SPAG6: variants seen among roughly 807,000 people sequenced by gnomAD.
SPAG6 encodes the protein sperm associated antigen 6, also known as sperm-associated antigen 6.
A neutral mutation model predicts 58.5 loss-of-function variants in SPAG6; 49 were observed. The ratio of observed to expected loss-of-function variants is 0.84; its 90% CI spans 0.67 to 1.06. The LOEUF (loss-of-function observed/expected upper bound fraction) is 1.06, where lower values mean the gene tolerates loss of function less well. Ranked by LOEUF, SPAG6 falls within the 50% of genes least tolerant of loss-of-function variation. The pLI is 0.00. For synonymous variants in SPAG6, 233 were observed against 225.6 expected (o/e 1.03, Z -0.29); for missense variants, 560 against 611.3 (o/e 0.92, Z 0.89).
At chr10:22,348,002 C>CTTTCTTTTTTT (rs149307597) in intron 2 of SPAG6, among the ~76,000 whole-genome samples, 19,328 of 151,788 alleles carry the variant, frequency 0.13, 3,572 homozygotes, top group African/African-American at 0.41. Flanking sequence ...ACTTTTCTTT[C>CTTTCTTTTTTT]TTTCTTTGAG....
Position 22,401,297 on chromosome 10 carries a change from A to T in SPAG6, c.1314+20A>T. 1 of 1,123,084 alleles carries T rather than the reference A, an allele frequency of 8.9e-7. No individual in the cohort carries two copies. Among genetic ancestry groups the T allele is most frequent in the African/African-American group, 1.6e-5 (1 of 64,112 alleles). 69.6% of individuals were successfully genotyped at this position (1,123,084 alleles called of 1,614,324 possible). ...AGTAAGGTAAGAAATGCCAGCCTCT[A>T]AGGGGAGGAAGAAAATTAAAATGAT... is the stretch of plus-strand genomic sequence containing the variant. On this transcript the variant is annotated intron_variant, in intron 9 of 10. Coordinates refer to ENST00000376624, the MANE Select transcript of SPAG6 (RefSeq NM_012443.4).
chr10:22,374,180 C>A (rs971227501), intron 4 of SPAG6, among the ~76,000 whole-genome samples: 13 of 152,130 alleles, frequency 8.5e-5, no homozygotes, highest in Non-Finnish European at 1.8e-4. Flanking sequence ...GTTACTCATG[C>A]CTCTGACTTT....
intron 4 of SPAG6, among the ~76,000 whole-genome samples, chr10:22,376,848 G>A (rs569177297): frequency 6.6e-6 from 1 of 152,204 alleles, no homozygotes; most frequent in Admixed American, 6.5e-5. Context: ...ACTTTGGGAG[G>A]CCAAGGTGGG....
At chr10:22,380,471 T>TG (rs1833926019) in intron 4 of SPAG6, among the ~76,000 whole-genome samples, 2 of 151,920 alleles carry the variant, frequency 1.3e-5, no homozygotes, top group African/African-American at 4.8e-5. Flanking sequence ...CTAATTTTTG[T>TG]GTTTTTTTTG....
At chr10:22,379,294 A>G (rs539755699) in intron 4 of SPAG6, among the ~76,000 whole-genome samples, 1 of 152,274 alleles carries the variant, frequency 6.6e-6, no homozygotes, top group African/African-American at 2.4e-5. Flanking sequence ...TTTTTGTGGT[A>G]GCAGCCTCCA....
At chr10:22,394,810 G>A (rs1279303190) in intron 8 of SPAG6, among the ~76,000 whole-genome samples, 1 of 152,156 alleles carries the variant, frequency 6.6e-6, no homozygotes, top group Non-Finnish European at 1.5e-5. Flanking sequence ...GGGCCCAAGT[G>A]ATCCTCCTGC....
intron 9 of SPAG6, among the ~76,000 whole-genome samples, chr10:22,409,127 T>C (rs1325147435): frequency 6.6e-6 from 1 of 152,206 alleles, no homozygotes; most frequent in Non-Finnish European, 1.5e-5. Flanking sequence ...GAGCTGTTCC[T>C]ATTCGGCCAT....
At chr10:22,354,356 C>G (rs1221210381) in intron 2 of SPAG6, among the ~76,000 whole-genome samples, 3 of 152,116 alleles carry the variant, frequency 2.0e-5, no homozygotes, top group Non-Finnish European at 4.4e-5. Flanking sequence ...GTTGCTTGGA[C>G]ACATTAGCAC....
At chr10:22,354,175 G>A (rs574594740) in intron 2 of SPAG6, among the ~76,000 whole-genome samples, 29 of 152,338 alleles carry the variant, frequency 1.9e-4, no homozygotes, top group African/African-American at 6.7e-4. Flanking sequence ...TTGGAGAGTA[G>A]ATAAGAGGGG....
chr10:22,414,256 G>T (rs1365486833), intron 10 of SPAG6, among the ~76,000 whole-genome samples: 1 of 152,148 alleles, frequency 6.6e-6, no homozygotes, highest in Non-Finnish European at 1.5e-5. Flanking sequence ...TTCTCTGTGG[G>T]TCTAGGATAA....
chr10:22,368,730 G>C (rs1420752315), intron 4 of SPAG6, 52 bp downstream of exon 4: 1 of 1,413,252 alleles, frequency 7.1e-7, no homozygotes, highest in Admixed American at 1.9e-5. Flanking sequence ...TTACAATTCA[G>C]ATTTATTAGG....
chr10:22,405,599 T>G (rs1387369278), intron 9 of SPAG6, among the ~76,000 whole-genome samples: 2 of 150,906 alleles, frequency 1.3e-5, no homozygotes, highest in Non-Finnish European at 2.9e-5. Context: ...TAAAATTCTC[T>G]TTTTTGGTTG....
At chr10:22,383,705 C>T (rs1216595999) in intron 4 of SPAG6, among the ~76,000 whole-genome samples, 2 of 152,042 alleles carry the variant, frequency 1.3e-5, no homozygotes, top group African/African-American at 2.4e-5. Context: ...AGGTTGGAAG[C>T]ACTTCCTGAA....
At chr10:22,414,069 G>A (rs984780297) in intron 10 of SPAG6, among the ~76,000 whole-genome samples, 3 of 152,002 alleles carry the variant, frequency 2.0e-5, no homozygotes, top group Non-Finnish European at 2.9e-5. Context: ...CTAAGTTCTG[G>A]GCCTGGCTTA....
At chr10:22,406,586 G>A (rs552771236) in intron 9 of SPAG6, among the ~76,000 whole-genome samples, 4,867 of 152,128 alleles carry the variant, frequency 0.032, 290 homozygotes, top group African/African-American at 0.11. Context: ...AATAGGTGTG[G>A]TGTGGTGCTG....
chr10:22,352,512 A>C (rs571261559), intron 2 of SPAG6, among the ~76,000 whole-genome samples: 14 of 152,190 alleles, frequency 9.2e-5, no homozygotes, highest in Non-Finnish European at 1.5e-4. Flanking sequence ...ATATTCAACA[A>C]ATATTTATTT....
rs1554776508 is a variant in SPAG6 at position 22,346,497 on chromosome 10, T to TTC, written c.121+680_121+681insCT. Among the ~76,000 whole-genome samples, 249 of 74,256 alleles carry TTC rather than the reference T, an allele frequency of 3.4e-3. 1 individual carries two copies. The highest frequency in any genetic ancestry group is 0.01 in the African/African-American group (188 of 18,670). The allele number at this position is 74,256 out of a possible 152,430, so 48.7% of individuals were successfully genotyped here. ...CTTCTTCTTCTTCTTCTTCTTCTTC[T>TTC]TTCTTCTTCTTCTTCCTCTTCTTCT... is the stretch of plus-strand genomic sequence containing the variant. On this transcript the variant is annotated intron_variant, in intron 2 of 10. Coordinates refer to ENST00000376624, the MANE Select transcript of SPAG6 (RefSeq NM_012443.4).
At chr10:22,404,789 G>T (rs1364326183) in intron 9 of SPAG6, among the ~76,000 whole-genome samples, 1 of 151,298 alleles carries the variant, frequency 6.6e-6, no homozygotes, top group Non-Finnish European at 1.5e-5. Context: ...TCTTCCATTT[G>T]TTTGTATCCT....
chr10:22,346,590 A>C (rs1481315963), intron 2 of SPAG6, among the ~76,000 whole-genome samples: 1 of 150,220 alleles, frequency 6.7e-6, no homozygotes, highest in African/African-American at 2.5e-5. Context: ...CTGAACTGTA[A>C]GGTAGCATTT....
Sources: allele counts gnomAD v4.1 joint callset (sites outside exome capture counted in the v4.1 genomes callset), GRCh38; gene constraint gnomAD v4.1.1; transcripts MANE v1.5; gene names NCBI Gene and HGNC (gene_info 2026-07-23, HGNC 2026-07-21).